Variants in DTWD2 observed in about 807,000 individuals in gnomAD.
The protein encoded by DTWD2 is DTW motif tRNA-uridine aminocarboxypropyltransferase 2, also known as tRNA-uridine aminocarboxypropyltransferase 2.
A neutral mutation model predicts 31.8 loss-of-function variants in DTWD2; 39 were observed. That is an observed-to-expected ratio of 1.22 (90% CI 0.95 to 1.60). DTWD2 has a LOEUF of 1.60. DTWD2 is among the 40% of genes most tolerant of loss of function. The pLI, the probability that DTWD2 is intolerant of heterozygous loss-of-function variation, is 0.00. For missense variants in DTWD2, 515 were observed against 381.5 expected, an observed-to-expected ratio of 1.35 and a Z score of -2.92; for synonymous variants, 180 against 142.8, an observed-to-expected ratio of 1.26 and a Z score of -1.86.
chr5:118,983,696 A>T (rs757228987), intron 1 of DTWD2, among the ~76,000 whole-genome samples: 5 of 152,214 alleles, frequency 3.3e-5, no homozygotes, highest in African/African-American at 4.8e-5. Flanking sequence ...ATGCCATTTC[A>T]ACTGGTGATA....
chr5:118,985,719 C>G (rs1009117034), intron 1 of DTWD2, among the ~76,000 whole-genome samples: 2 of 151,842 alleles, frequency 1.3e-5, no homozygotes, highest in Non-Finnish European at 2.9e-5. Context: ...TCTTTCCACT[C>G]TGATGTCATA....
intron 4 of DTWD2, among the ~76,000 whole-genome samples, chr5:118,912,821 GGAACGTAGCT>G (rs1178420554): frequency 6.6e-6 from 1 of 152,164 alleles, no homozygotes; most frequent in African/African-American, 2.4e-5. Context: ...TAGCATTAAA[GGAACGTAGCT>G]GAACTGCAAA....
intron 5 of DTWD2, among the ~76,000 whole-genome samples, chr5:118,846,961 C>T (rs994449177): frequency 2.1e-5 from 3 of 146,208 alleles, no homozygotes; most frequent in African/African-American, 7.8e-5. Context: ...CACACACACA[C>T]ACACATACAC....
At chr5:118,847,683 G>A (rs532277189) in intron 5 of DTWD2, among the ~76,000 whole-genome samples, 5 of 150,436 alleles carry the variant, frequency 3.3e-5, no homozygotes, top group African/African-American at 4.9e-5. Flanking sequence ...GTTAGTATAC[G>A]GCACCAAGGC....
intron 4 of DTWD2, among the ~76,000 whole-genome samples, chr5:118,925,617 G>A (rs180781070): frequency 4.9e-4 from 74 of 151,274 alleles, no homozygotes; most frequent in African/African-American, 1.7e-3. Flanking sequence ...AGGCCGAGGC[G>A]GGTGGATCAC....
Position 118,841,017 on chromosome 5 carries a change from T to C in DTWD2, c.797A>G (p.Lys266Arg), listed in dbSNP as rs780022182. The change falls in exon 6 of 6, where the codon AAG (lysine) becomes AGG (arginine). Residue 266 changes from lysine (K) to arginine (R), a missense_variant. By Grantham distance (26) the Lys-to-Arg change is conservative. Coordinates refer to ENST00000510708, the MANE Select transcript of DTWD2 (RefSeq NM_173666.4). ...TAATCCATTTTTCAGAAGGTGTTCCTTGCTGAGGCGAATTTGGGCACCATG... is the reference window on the plus strand; with the variant it reads ...TAATCCATTTTTCAGAAGGTGTTCCCTGCTGAGGCGAATTTGGGCACCATG... ...LQHGAQIRLS[K>R]EHLLKNGLYP... The C allele has an allele frequency of 3.7e-6, 6 of 1,613,652 alleles. No homozygotes were observed. Among genetic ancestry groups the C allele is most frequent in the Non-Finnish European group, 5.1e-6 (6 of 1,179,820 alleles).
At chr5:118,932,754 G>A (rs1271640806) in intron 3 of DTWD2, among the ~76,000 whole-genome samples, 2 of 152,112 alleles carry the variant, frequency 1.3e-5, no homozygotes, top group African/African-American at 4.8e-5. Context: ...GCCAAGGAGA[G>A]GCCTCAGGAG....
chr5:118,855,982 C>G (rs912092986), intron 4 of DTWD2, among the ~76,000 whole-genome samples: 20 of 151,976 alleles, frequency 1.3e-4, no homozygotes, highest in African/African-American at 4.8e-4. Flanking sequence ...AAACTGACAT[C>G]CTTGAATCTT....
intron 2 of DTWD2, among the ~76,000 whole-genome samples, chr5:118,940,439 T>C (rs1234010280): frequency 6.6e-6 from 1 of 152,206 alleles, no homozygotes; most frequent in Non-Finnish European, 1.5e-5. Flanking sequence ...CCACAGTTGT[T>C]CCCAGATGTA....
In DTWD2 at chr5:118,923,031, A is replaced by T. The variant is rs528414021; in HGVS notation, c.597+5506T>A. ...ATATACTGCCAGGTAGGCATTCAATAAGCTTTTTTTTTTAATAGGCAATTT... is the reference window on the plus strand; with the variant it reads ...ATATACTGCCAGGTAGGCATTCAATTAGCTTTTTTTTTTAATAGGCAATTT... On this transcript the variant is annotated intron_variant, in intron 4 of 5. Transcript: ENST00000510708. Among the ~76,000 whole-genome samples, 9 of 152,026 alleles carry T rather than the reference A, an allele frequency of 5.9e-5. No individual in the cohort carries two copies. The South Asian group carries it at 1.9e-3, about 32-fold the overall frequency.
Position 118,956,500 on chromosome 5 carries a change from C to T in DTWD2, c.219-11851G>A, listed in dbSNP as rs148949896. Among the ~76,000 whole-genome samples the T allele has an allele frequency of 3.7e-3, 558 of 152,312 alleles. 4 individuals are homozygous for T. The highest frequency in any genetic ancestry group is 7.1e-3 in the Admixed American group (108 of 15,298). On this transcript the variant is annotated intron_variant, in intron 1 of 5. Coordinates refer to ENST00000510708, the MANE Select transcript of DTWD2 (RefSeq NM_173666.4). ...ATGTGTATCACTCTGGGCATACTATCTCTGACAGCCTGTGGGCTAATAAAA... is the reference window on the plus strand; with the variant it reads ...ATGTGTATCACTCTGGGCATACTATTTCTGACAGCCTGTGGGCTAATAAAA...
At chr5:118,936,446 A>C (rs949528641) in intron 3 of DTWD2, among the ~76,000 whole-genome samples, 1 of 152,064 alleles carries the variant, frequency 6.6e-6, no homozygotes, top group African/African-American at 2.4e-5. Flanking sequence ...CTGTACTTCA[A>C]GCCTGGAAAA....
chr5:118,973,776 G>C (rs1755056574), intron 1 of DTWD2: 2 of 1,610,990 alleles, frequency 1.2e-6, no homozygotes, highest in Non-Finnish European at 8.5e-7. Flanking sequence ...GCCTGCATCG[G>C]ATCACCGGCG....
intron 4 of DTWD2, among the ~76,000 whole-genome samples, chr5:118,900,213 A>G (rs1490596263): frequency 1.3e-5 from 2 of 152,222 alleles, no homozygotes; most frequent in African/African-American, 2.4e-5. Flanking sequence ...GCATTCCATT[A>G]CATATACCAC....
intron 5 of DTWD2, among the ~76,000 whole-genome samples, chr5:118,843,992 C>T (rs929207633): frequency 9.2e-5 from 14 of 152,192 alleles, no homozygotes; most frequent in Admixed American, 2.0e-4. Flanking sequence ...CACCACCTTC[C>T]TTGCTCCTTC....
intron 4 of DTWD2, among the ~76,000 whole-genome samples, chr5:118,852,254 A>C (rs1314073344): frequency 6.6e-6 from 1 of 152,038 alleles, no homozygotes; most frequent in Non-Finnish European, 1.5e-5. Flanking sequence ...CACTGGTTTC[A>C]TATCATTCAA....
chr5:118,984,287 T>A (rs373565987), intron 1 of DTWD2, among the ~76,000 whole-genome samples: 1 of 146,054 alleles, frequency 6.8e-6, no homozygotes. Flanking sequence ...AAAAACTCCA[T>A]CTCAAAAAAA....
intron 4 of DTWD2, among the ~76,000 whole-genome samples, chr5:118,870,327 T>C (rs1451816053): frequency 2.0e-5 from 3 of 152,216 alleles, no homozygotes; most frequent in Non-Finnish European, 4.4e-5. Flanking sequence ...TCAGAATAGC[T>C]GAATAAACTA....
intron 1 of DTWD2, among the ~76,000 whole-genome samples, chr5:118,971,725 A>G (rs907153784): frequency 1.3e-5 from 2 of 152,168 alleles, no homozygotes; most frequent in African/African-American, 4.8e-5. Flanking sequence ...TGATCACATA[A>G]TTGGAAATCA....
Sources: allele counts gnomAD v4.1 joint callset (sites outside exome capture counted in the v4.1 genomes callset), GRCh38; gene constraint gnomAD v4.1.1; transcripts MANE v1.5; gene names NCBI Gene and HGNC (gene_info 2026-07-23, HGNC 2026-07-21).